Variants in TNFRSF11B observed in about 807,000 individuals in gnomAD.
The protein encoded by TNFRSF11B is TNF receptor superfamily member 11b.
A neutral mutation model predicts 43.4 loss-of-function variants in TNFRSF11B; 16 were observed. The observed-to-expected ratio is 0.37, with a 90% CI of 0.25 to 0.56. The LOEUF is 0.56. Ranked by LOEUF, TNFRSF11B falls within the 20% of genes least tolerant of loss-of-function variation. TNFRSF11B has a pLI of 0.80. For missense variants in TNFRSF11B, 444 were observed against 490.1 expected (o/e 0.91, Z 0.89); for synonymous variants, 185 against 181.8 (o/e 1.02, Z -0.14).
At position 118,925,200 on chromosome 8, in the gene TNFRSF11B, A is replaced by G. The variant is rs145720551; in HGVS notation, c.818-438T>C. On this transcript the variant is annotated intron_variant, in intron 4 of 4. Coordinates refer to ENST00000297350, the MANE Select transcript of TNFRSF11B (RefSeq NM_002546.4). The stretch of plus-strand genomic sequence containing the variant: ...CGTAACTAGCCTTTAAAGAATACAC[A>G]TAGCACCAGAGGACTACCTCCATGA... Among the ~76,000 whole-genome samples, 98 of 152,366 alleles carry G rather than the reference A, an allele frequency of 6.4e-4. No homozygotes were observed. The East Asian group carries it at 0.017, about 27-fold the overall frequency.
intron 1 of TNFRSF11B, among the ~76,000 whole-genome samples, chr8:118,944,015 G>T (rs186826376): frequency 6.6e-6 from 1 of 151,730 alleles, no homozygotes; most frequent in East Asian, 1.9e-4. Flanking sequence ...TGATGAAGAA[G>T]GAGTTGAAGA....
intron 1 of TNFRSF11B, among the ~76,000 whole-genome samples, chr8:118,937,103 A>G (rs1812416008): frequency 6.6e-6 from 1 of 152,140 alleles, no homozygotes; most frequent in African/African-American, 2.4e-5. Context: ...TCCATTTTTA[A>G]TATTGAGCAA....
intron 1 of TNFRSF11B, among the ~76,000 whole-genome samples, chr8:118,948,467 A>T (rs1223585265): frequency 6.6e-6 from 1 of 152,126 alleles, no homozygotes; most frequent in East Asian, 1.9e-4. Context: ...TGGCTAGGAG[A>T]GCAAAAATAC....
At chr8:118,951,713 G>A (rs1444439177) in intron 1 of TNFRSF11B, 79 bp downstream of exon 1, 3 of 1,386,922 alleles carry the variant, frequency 2.2e-6, no homozygotes, top group African/African-American at 2.9e-5. Flanking sequence ...CTCCCCGCCG[G>A]TCCGCTGGGA....
chr8:118,939,829 A>G (rs558542057), intron 1 of TNFRSF11B, among the ~76,000 whole-genome samples: 1 of 152,360 alleles, frequency 6.6e-6, no homozygotes, highest in Admixed American at 6.5e-5. Flanking sequence ...CTGGAGTGAC[A>G]TTACCCAAAG....
At chr8:118,945,258 G>A (rs1812539815) in intron 1 of TNFRSF11B, among the ~76,000 whole-genome samples, 1 of 137,672 alleles carries the variant, frequency 7.3e-6, no homozygotes, top group Non-Finnish European at 1.5e-5. Context: ...CATGTTTTGA[G>A]CGGGAAATAA....
chr8:118,944,580 T>G (rs1488780052), intron 1 of TNFRSF11B, among the ~76,000 whole-genome samples: 1 of 152,180 alleles, frequency 6.6e-6, no homozygotes, highest in African/African-American at 2.4e-5. Context: ...TGCTTTCTAT[T>G]GGCATTTATT....
At position 118,930,260 on chromosome 8, in the gene TNFRSF11B, A is replaced by G. The variant is rs373387617; in HGVS notation, c.401-1331T>C. Among the ~76,000 whole-genome samples, 13 of 152,360 alleles carry G rather than the reference A, an allele frequency of 8.5e-5. No homozygotes were observed. The East Asian group carries it at 9.6e-4, about 11-fold the overall frequency. ...GGGATACAACTCTATATCAAATTCT[A>G]CAATATCATAAGCAGAGGTATTTGG... is the stretch of plus-strand genomic sequence containing the variant. On this transcript the variant is annotated intron_variant, in intron 2 of 4. Coordinates refer to ENST00000297350, the MANE Select transcript of TNFRSF11B (RefSeq NM_002546.4).
chr8:118,945,047 T>C (rs1484525807), intron 1 of TNFRSF11B, among the ~76,000 whole-genome samples: 1 of 152,016 alleles, frequency 6.6e-6, no homozygotes, highest in African/African-American at 2.4e-5. Flanking sequence ...TTTTTGACTC[T>C]AAAATATATA....
intron 1 of TNFRSF11B, among the ~76,000 whole-genome samples, chr8:118,937,939 T>C (rs1288087301): frequency 6.6e-6 from 1 of 152,162 alleles, no homozygotes; most frequent in Non-Finnish European, 1.5e-5. Flanking sequence ...TTTACTTAAA[T>C]GTTTTAAGTC....
At chr8:118,951,720 G>A in intron 1 of TNFRSF11B, 72 bp downstream of exon 1, 2 of 1,436,904 alleles carry the variant, frequency 1.4e-6, no homozygotes, top group Non-Finnish European at 1.9e-6. Context: ...CCGGTCCGCT[G>A]GGAGGTTGGG....
At chr8:118,932,474 A>G (rs1812342914) in intron 2 of TNFRSF11B, among the ~76,000 whole-genome samples, 1 of 152,226 alleles carries the variant, frequency 6.6e-6, no homozygotes, top group Admixed American at 6.5e-5. Context: ...CATTTTTTAC[A>G]TAATTAATTA....
intron 1 of TNFRSF11B, among the ~76,000 whole-genome samples, chr8:118,948,180 T>C (rs1181454353): frequency 6.6e-6 from 1 of 152,168 alleles, no homozygotes; most frequent in Non-Finnish European, 1.5e-5. Context: ...CTCTGCTCCA[T>C]TGTAGCAACA....
chr8:118,948,353 G>A (rs1296860778), intron 1 of TNFRSF11B, among the ~76,000 whole-genome samples: 1 of 151,960 alleles, frequency 6.6e-6, no homozygotes, highest in Non-Finnish European at 1.5e-5. Flanking sequence ...TTAATGAGAT[G>A]CTAGAGAAAA....
chr8:118,925,740 T>G (rs1028284059), intron 4 of TNFRSF11B, among the ~76,000 whole-genome samples: 1 of 152,204 alleles, frequency 6.6e-6, no homozygotes, highest in African/African-American at 2.4e-5. Flanking sequence ...TCTTCTAGCA[T>G]GTCCTCCCAA....
intron 4 of TNFRSF11B, 69 bp from the exon 5 acceptor site, chr8:118,924,831 G>A (rs1812227162): frequency 6.3e-7 from 1 of 1,596,010 alleles, no homozygotes; most frequent in African/African-American, 1.3e-5. Flanking sequence ...CATAAAACAA[G>A]CGTGAGGCAA....
chr8:118,930,664 G>A, intron 2 of TNFRSF11B: 2 of 413,236 alleles, frequency 4.8e-6, no homozygotes, highest in East Asian at 1.5e-4. Flanking sequence ...TGCCCGCCTT[G>A]ACCTCTCAAA....
At chr8:118,930,575 C>A in intron 2 of TNFRSF11B, 1 of 271,804 alleles carries the variant, frequency 3.7e-6, no homozygotes, top group African/African-American at 2.2e-5. Context: ...CCATGCCCTG[C>A]TAATTTTTGT....
At chr8:118,934,657 G>T (rs1171965509) in intron 1 of TNFRSF11B, among the ~76,000 whole-genome samples, 1 of 152,186 alleles carries the variant, frequency 6.6e-6, no homozygotes, top group Non-Finnish European at 1.5e-5. Context: ...CACACGCTCA[G>T]AAGAAACTGT....
Sources: gnomAD v4.1 joint callset for allele counts (sites outside exome capture counted in the v4.1 genomes callset) on GRCh38, gnomAD v4.1.1 for gene constraint, MANE v1.5 for transcripts, NCBI Gene and HGNC (gene_info 2026-07-23, HGNC 2026-07-21) for gene names.